The following HMCN1 variants were observed in gnomAD, a reference collection of about 807,000 sequenced individuals.
HMCN1 encodes hemicentin-1.
A neutral mutation model predicts 625.9 loss-of-function variants in HMCN1; 321 were observed. The ratio of observed to expected loss-of-function variants is 0.51; its 90% CI spans 0.47 to 0.56. The LOEUF (loss-of-function observed/expected upper bound fraction) is 0.56. Among genes scored for constraint, HMCN1 ranks in the 20% least tolerant of loss-of-function variants. The probability of loss-of-function intolerance (pLI) is 0.00; values close to 1 mark genes in which losing one functional copy is unlikely to be tolerated. For synonymous variants in HMCN1, 2,425 were observed against 2,417.6 expected (o/e 1.00, Z -0.09); for missense variants, 6,588 against 6,887.3 (o/e 0.96, Z 1.54).
chr1:185,771,550 A>G (rs757631878), intron 1 of HMCN1, among the ~76,000 whole-genome samples: 4 of 152,194 alleles, frequency 2.6e-5, no homozygotes, highest in African/African-American at 9.7e-5. Context: ...GACTTAAGCT[A>G]TTTGACTGTT....
intron 1 of HMCN1, among the ~76,000 whole-genome samples, chr1:185,800,171 T>C (rs916315592): frequency 6.6e-6 from 1 of 152,174 alleles, no homozygotes; most frequent in Admixed American, 6.5e-5. Flanking sequence ...GATCGTGGTG[T>C]CTCTCCCCTA....
rs2102137316 is a variant in HMCN1, at chr1:186,016,240, G to A, written c.5191+1G>A. ...ATCAAATATGAAGTTGATGTCTTGGGTAAATAAGGATGCCACTGCCTGGGT... is the reference window on the plus strand; with the variant it reads ...ATCAAATATGAAGTTGATGTCTTGGATAAATAAGGATGCCACTGCCTGGGT... On this transcript the variant is annotated splice_donor_variant, in intron 32 of 106. Transcript: ENST00000271588. LOFTEE classifies it high-confidence loss of function. The A allele has an allele frequency of 6.2e-7, 1 of 1,611,416 alleles. No individual in the cohort carries two copies. The highest frequency in any genetic ancestry group is 8.5e-7 in the Non-Finnish European group (1 of 1,177,860).
At chr1:185,994,484 ATT>A in intron 23 of HMCN1, among the ~76,000 whole-genome samples, 1 of 152,294 alleles carries the variant, frequency 6.6e-6, no homozygotes, top group South Asian at 2.1e-4. Context: ...TTAAGCTAAA[ATT>A]ATTTACAAAT....
chr1:186,005,361 ATTT>A (rs1205354134), intron 29 of HMCN1, among the ~76,000 whole-genome samples: 1 of 143,946 alleles, frequency 6.9e-6, no homozygotes, highest in East Asian at 2.0e-4. Context: ...TTTATAAACA[ATTT>A]TTTAATTGTT....
chr1:185,988,405 A>T (rs1375830201), intron 20 of HMCN1, among the ~76,000 whole-genome samples: 1 of 152,226 alleles, frequency 6.6e-6, no homozygotes, highest in Non-Finnish European at 1.5e-5. Flanking sequence ...GAAGTATGGC[A>T]TTTGTATAAT....
chr1:185,796,847 T>C (rs988718876), intron 1 of HMCN1, among the ~76,000 whole-genome samples: 2 of 152,204 alleles, frequency 1.3e-5, no homozygotes, highest in African/African-American at 4.8e-5. Context: ...TCCTTTTTAT[T>C]TGGGAAGGTA....
chr1:185,892,665 C>T (rs980816265), intron 4 of HMCN1, among the ~76,000 whole-genome samples: 19 of 151,934 alleles, frequency 1.3e-4, no homozygotes, highest in Admixed American at 3.3e-4. Context: ...GCAGTCTGCC[C>T]GTTCTCAGAT....
intron 85 of HMCN1, among the ~76,000 whole-genome samples, chr1:186,131,973 C>T (rs1299229983): frequency 1.3e-5 from 2 of 152,094 alleles, no homozygotes; most frequent in Admixed American, 6.6e-5. Context: ...TTTAAGATAT[C>T]TATAAGTATA....
At chr1:186,120,183 T>C (rs759390856) in intron 80 of HMCN1, 38 bp downstream of exon 80, 16 of 1,603,462 alleles carry the variant, frequency 1.0e-5, no homozygotes, top group African/African-American at 1.3e-5. Context: ...AATTCAAAGA[T>C]GTTTGTAACA....
At position 185,930,954 on chromosome 1, in the gene HMCN1, A is replaced by T. The variant is rs10047250; in HGVS notation, c.1552+2287A>T. ...CACACACACACACACAGAGTACTAA[A>T]ATTCTGAGTTTAGGTAAAATTCTGA... On this transcript the variant is annotated intron_variant, in intron 10 of 106. Coordinates refer to ENST00000271588, the MANE Select transcript of HMCN1 (RefSeq NM_031935.3). 2.6e-4 allele frequency among the ~76,000 whole-genome samples: 40 copies of T among 151,516 alleles called. 2 individuals are homozygous for T. Among genetic ancestry groups the T allele is most frequent in the African/African-American group, 9.2e-4 (38 of 41,172 alleles).
chr1:185,983,419 C>T (rs1257195065), intron 18 of HMCN1, among the ~76,000 whole-genome samples: 1 of 151,602 alleles, frequency 6.6e-6, no homozygotes, highest in Non-Finnish European at 1.5e-5. Context: ...GAGCAAGACT[C>T]CGTCTCAAAA....
At chr1:186,155,586 C>T (rs1316748262) in intron 97 of HMCN1, among the ~76,000 whole-genome samples, 4 of 152,104 alleles carry the variant, frequency 2.6e-5, no homozygotes, top group Non-Finnish European at 5.9e-5. Flanking sequence ...TCTACCTAAT[C>T]GTGTACATTT....
At chr1:185,834,546 C>T (rs920293408) in intron 1 of HMCN1, among the ~76,000 whole-genome samples, 5 of 152,170 alleles carry the variant, frequency 3.3e-5, no homozygotes, top group Non-Finnish European at 7.3e-5. Context: ...GACTGGTTTT[C>T]ATCAGAGAGC....
rs774171227 is a variant in HMCN1, at chr1:186,122,974, C to A, written c.12253C>A (p.Leu4085Ile). ...VQVPPVISPHLKEYVIAVDKP... is the reference protein window; with the variant it reads ...VQVPPVISPHIKEYVIAVDKP... ...AGTTCCTCCAGTCATTAGCCCTCAT[C>A]TAAAGGAATATGTTATTGCTGTGGA... Residue 4085 changes from leucine to isoleucine, a missense_variant, in exon 81 of 107, where the codon CTA becomes ATA. Coordinates refer to ENST00000271588, the MANE Select transcript of HMCN1 (RefSeq NM_031935.3). 1 of 1,614,010 alleles carries A rather than the reference C, an allele frequency of 6.2e-7. No individual in the cohort carries two copies.
At chr1:186,009,749 A>T (rs1490195263) in intron 30 of HMCN1, among the ~76,000 whole-genome samples, 1 of 152,180 alleles carries the variant, frequency 6.6e-6, no homozygotes, top group Non-Finnish European at 1.5e-5. Flanking sequence ...CAAACAGGGA[A>T]AAAAGTAAAT....
In HMCN1 at chr1:186,090,865, C is replaced by G. The variant is rs764267623; in HGVS notation, c.9835C>G (p.Gln3279Glu). The change falls in exon 64 of 107, where the codon CAA (glutamine) becomes GAA (glutamate). Residue 3279 changes from glutamine to glutamate, a missense_variant. This residue lies in a region of HMCN1 where 4,628 missense variants were observed against 4,853.1 expected (regional missense o/e 0.95). Transcript: ENST00000271588. Reference protein sequence around the residue: ...NANGIPTPLIQWLKDGKPIAS... With the variant: ...NANGIPTPLIEWLKDGKPIAS... The stretch of plus-strand genomic sequence containing the variant: ...AAATGGCATTCCTACTCCACTTATT[C>G]AATGGCTTAAAGATGGAAAGCCCAT... 1.2e-6 allele frequency: 2 copies of G among 1,612,480 alleles called. No homozygotes were observed. Among genetic ancestry groups the G allele is most frequent in the Admixed American group, 1.7e-5 (1 of 59,826 alleles).
chr1:185,982,596 T>G (rs1482725930), intron 18 of HMCN1, among the ~76,000 whole-genome samples: 1 of 151,902 alleles, frequency 6.6e-6, no homozygotes, highest in Non-Finnish European at 1.5e-5. Context: ...ACCGCCACCA[T>G]GCCCAGCTAA....
At chr1:185,934,351 C>A (rs562667655) in intron 11 of HMCN1, among the ~76,000 whole-genome samples, 1 of 152,084 alleles carries the variant, frequency 6.6e-6, no homozygotes. Flanking sequence ...ATTTGTCTTA[C>A]ACACACACAT....
chr1:185,878,215 T>C (rs1664077267), intron 4 of HMCN1, among the ~76,000 whole-genome samples: 2 of 152,188 alleles, frequency 1.3e-5, no homozygotes, highest in African/African-American at 2.4e-5. Context: ...ACTTCTTTTC[T>C]AATTTGGATG....
Sources: gnomAD v4.1 joint callset for allele counts (sites outside exome capture counted in the v4.1 genomes callset) on GRCh38, gnomAD v4.1.1 for gene constraint, gnomAD v4.1.1 regional missense constraint, MANE v1.5 for transcripts, NCBI Gene and HGNC (gene_info 2026-07-23, HGNC 2026-07-21) for gene names.